VCL: variants seen among roughly 807,000 people sequenced by gnomAD.
VCL encodes vinculin.
VCL carries 47 observed loss-of-function variants against 125.7 expected under a neutral mutation model. That is an observed-to-expected ratio of 0.37 (90% CI 0.30 to 0.48). VCL has a LOEUF of 0.48. Ranked by LOEUF, VCL falls within the 20% of genes least tolerant of loss-of-function variation. The pLI, the probability that VCL is intolerant of heterozygous loss-of-function variation, is 0.99. For missense variants in VCL, 1,069 were observed against 1,455.5 expected, an observed-to-expected ratio of 0.73 and a Z score of 4.32; for synonymous variants, 458 against 514.6, an observed-to-expected ratio of 0.89 and a Z score of 1.49.
Position 74,083,383 on chromosome 10 carries a change from G to A in VCL, c.892G>A (p.Ala298Thr). 6.2e-7 allele frequency: 1 copy of A among 1,614,112 alleles called. No homozygotes were observed. Among genetic ancestry groups the A allele is most frequent in the Non-Finnish European group, 8.5e-7 (1 of 1,179,960 alleles). Residue 298 changes from alanine to threonine, a missense_variant, in exon 8 of 22, where the codon GCC becomes ACC. Ala to Thr is a moderately conservative substitution (Grantham distance 58). Around this residue, in one of 6 missense-constraint regions of VCL, gnomAD observed 760 missense variants for 928.9 expected, o/e 0.82. Coordinates refer to ENST00000211998, the MANE Select transcript of VCL (RefSeq NM_014000.3). ...TATTTTAGGGGATGCTGGTGAGCAG[G>A]CCATCAGACAGATCTTAGATGAAGC... ...SASPGDAGEQ[A>T]IRQILDEAGK...
rs986179142 is a variant in VCL at position 74,074,682 on chromosome 10, G to A, written c.623-61G>A. Reference sequence around the variant, plus strand: ...ATCTAAAGTGTAGAACATCTTTTGTGAATATTGTTATACAACAAGATTAAA... The same window carrying A: ...ATCTAAAGTGTAGAACATCTTTTGTAAATATTGTTATACAACAAGATTAAA... On this transcript the variant is annotated intron_variant, in intron 5 of 21. Transcript: ENST00000211998. The A allele has an allele frequency of 4.4e-6, 7 of 1,575,932 alleles. No homozygotes were observed. The African/African-American group carries it at 6.8e-5, about 15-fold the overall frequency.
chr10:74,030,864 G>A (rs1186947230), intron 1 of VCL, among the ~76,000 whole-genome samples: 3 of 152,074 alleles, frequency 2.0e-5, no homozygotes, highest in East Asian at 3.8e-4. Context: ...CAAGGTCATC[G>A]CCAAGGTCTG....
chr10:74,064,751 A>G (rs557048121), intron 2 of VCL, among the ~76,000 whole-genome samples: 1 of 152,222 alleles, frequency 6.6e-6, no homozygotes, highest in Admixed American at 6.5e-5. Flanking sequence ...TAGGAAAAAT[A>G]TTTTTCCTAA....
chr10:74,093,764 A>G (rs903600043), intron 10 of VCL, among the ~76,000 whole-genome samples: 1 of 152,230 alleles, frequency 6.6e-6, no homozygotes, highest in Non-Finnish European at 1.5e-5. Context: ...TGATCTCACC[A>G]CTGCATTCCA....
intron 8 of VCL, among the ~76,000 whole-genome samples, chr10:74,084,119 C>G (rs1839727685): frequency 1.3e-5 from 2 of 152,274 alleles, no homozygotes; most frequent in South Asian, 2.1e-4. Flanking sequence ...CCCTCCTTGG[C>G]CTCCCAAAGT....
intron 21 of VCL, among the ~76,000 whole-genome samples, chr10:74,115,525 G>C (rs2131941624): frequency 6.6e-6 from 1 of 152,322 alleles, no homozygotes; most frequent in East Asian, 1.9e-4. Context: ...CTATGGATCA[G>C]TGGCAGTTAG....
chr10:74,022,123 A>G (rs776764551), intron 1 of VCL, among the ~76,000 whole-genome samples: 4 of 152,150 alleles, frequency 2.6e-5, no homozygotes, highest in Non-Finnish European at 4.4e-5. Flanking sequence ...TTCTCTATGG[A>G]GAGCAGAAGT....
rs1841566595 is a variant in VCL, at chr10:74,066,123, G to A, written c.240-4547G>A. Among the ~76,000 whole-genome samples the A allele has an allele frequency of 2.0e-5, 3 of 149,444 alleles. No homozygotes were observed. The Admixed American group carries it at 2.0e-4, about 10-fold the overall frequency. Reference sequence around the variant, plus strand: ...TGCCCAGGCTGGAGTGCAATGGCACGATCTCAGCTCACCGCAACCTCCGCC... The same window carrying A: ...TGCCCAGGCTGGAGTGCAATGGCACAATCTCAGCTCACCGCAACCTCCGCC... On this transcript the variant is annotated intron_variant, in intron 2 of 21. Transcript: ENST00000211998.
intron 2 of VCL, among the ~76,000 whole-genome samples, chr10:74,055,222 C>A (rs140958732): frequency 6.6e-6 from 1 of 152,094 alleles, no homozygotes; most frequent in African/African-American, 2.4e-5. Flanking sequence ...ATGGCTTGAA[C>A]CTGGGAGGCA....
chr10:74,106,240 G>T (rs1350928311), intron 16 of VCL, among the ~76,000 whole-genome samples: 1 of 152,156 alleles, frequency 6.6e-6, no homozygotes, highest in Non-Finnish European at 1.5e-5. Context: ...TGGCTAAATA[G>T]CTCCTCGCCT....
chr10:74,095,775 C>G lies in VCL; in HGVS notation c.1663C>G (p.Leu555Val). The change falls in exon 12 of 22, where the codon CTG (leucine) becomes GTG (valine). Residue 555 changes from leucine to valine, a missense_variant. Transcript: ENST00000211998. ...CDRVDQLTAQ[L>V]ADLAARGEGE... ...CCGAGTGGACCAGCTGACAGCCCAGCTGGCTGACCTGGCTGCCAGAGGGGA... is the reference window on the plus strand; with the variant it reads ...CCGAGTGGACCAGCTGACAGCCCAGGTGGCTGACCTGGCTGCCAGAGGGGA... 6.2e-7 allele frequency: 1 copy of G among 1,614,220 alleles called. No individual in the cohort carries two copies. Among genetic ancestry groups the G allele is most frequent in the East Asian group, 2.2e-5 (1 of 44,888 alleles).
intron 13 of VCL, among the ~76,000 whole-genome samples, chr10:74,099,766 G>T (rs1468240038): frequency 2.6e-5 from 4 of 152,188 alleles, no homozygotes; most frequent in African/African-American, 9.7e-5. Flanking sequence ...TGGGAGACCA[G>T]CTAGGGTAAA....
At chr10:74,081,420 A>G (rs1442076100) in intron 6 of VCL, among the ~76,000 whole-genome samples, 2 of 152,120 alleles carry the variant, frequency 1.3e-5, no homozygotes, top group East Asian at 1.9e-4. Flanking sequence ...TAGTGGTGCA[A>G]CACCTTTAAG....
intron 2 of VCL, among the ~76,000 whole-genome samples, chr10:74,055,464 C>T (rs1841374938): frequency 6.6e-6 from 1 of 151,812 alleles, no homozygotes; most frequent in Non-Finnish European, 1.5e-5. Context: ...CTCATCTCAG[C>T]CTCCCAGGTA....
chr10:74,005,851 T>A (rs951193714), intron 1 of VCL, among the ~76,000 whole-genome samples: 17 of 152,130 alleles, frequency 1.1e-4, no homozygotes, highest in African/African-American at 2.7e-4. Context: ...TTTTAATTTT[T>A]ATTTTTATTG....
At chr10:74,053,241 G>T (rs1008419432) in intron 2 of VCL, among the ~76,000 whole-genome samples, 18 of 151,970 alleles carry the variant, frequency 1.2e-4, no homozygotes, top group African/African-American at 4.3e-4. Context: ...AAAGAAACTC[G>T]CTCAGTTTTG....
At chr10:74,101,127 TTC>T (rs760897596) in intron 14 of VCL, 30 bp downstream of exon 14, 2 of 1,608,200 alleles carry the variant, frequency 1.2e-6, no homozygotes, top group Non-Finnish European at 1.7e-6. Context: ...TCATACAGTG[TTC>T]AGTAAAGAAA....
chr10:74,020,615 T>C (rs1382320435), intron 1 of VCL, among the ~76,000 whole-genome samples: 2 of 151,874 alleles, frequency 1.3e-5, no homozygotes, highest in Non-Finnish European at 2.9e-5. Context: ...CCGAGGTGGG[T>C]GGACCACTTG....
At chr10:74,082,406 T>C in intron 6 of VCL, 48 bp from the exon 7 acceptor site, 1 of 1,596,178 alleles carries the variant, frequency 6.3e-7, no homozygotes, top group Non-Finnish European at 8.6e-7. Context: ...TCTATCATGG[T>C]ATCTCAACTT....
Sources: allele counts gnomAD v4.1 joint callset (sites outside exome capture counted in the v4.1 genomes callset), GRCh38; gene constraint gnomAD v4.1.1; regional missense constraint gnomAD v4.1.1; transcripts MANE v1.5; gene names NCBI Gene and HGNC (gene_info 2026-07-23, HGNC 2026-07-21).